LPAR1: variants seen among roughly 807,000 people sequenced by gnomAD.
The protein encoded by LPAR1 is LPA receptor 1.
In LPAR1, 5 loss-of-function variants were observed where a neutral mutation model predicts 23.8. The ratio of observed to expected loss-of-function variants is 0.21; its 90% CI spans 0.11 to 0.44. LPAR1 has a LOEUF of 0.44. Among genes scored for constraint, LPAR1 ranks in the 20% least tolerant of loss-of-function variants. The probability of loss-of-function intolerance (pLI) is 0.99; values close to 1 mark genes in which losing one functional copy is unlikely to be tolerated. For missense variants in LPAR1, 311 were observed against 482.8 expected (o/e 0.64, Z 3.33); for synonymous variants, 160 against 164.7 (o/e 0.97, Z 0.22).
chr9:111,014,913 G>C (rs1417298764), intron 2 of LPAR1, among the ~76,000 whole-genome samples: 2 of 151,752 alleles, frequency 1.3e-5, no homozygotes, highest in Non-Finnish European at 2.9e-5. Flanking sequence ...CTAACTCCCA[G>C]TACCTCAGAA....
intron 2 of LPAR1, among the ~76,000 whole-genome samples, chr9:111,024,499 T>C (rs1564370733): frequency 6.8e-6 from 1 of 147,364 alleles, no homozygotes; most frequent in Non-Finnish European, 1.5e-5. Flanking sequence ...TATATTTATA[T>C]ATACATAATT....
chr9:111,028,607 T>G (rs2141420404), intron 2 of LPAR1, among the ~76,000 whole-genome samples: 1 of 138,060 alleles, frequency 7.2e-6, no homozygotes, highest in African/African-American at 2.7e-5. Flanking sequence ...AAATTCTTAA[T>G]TAGAAAAAGA....
intron 5 of LPAR1, among the ~76,000 whole-genome samples, chr9:110,903,606 A>G (rs952406401): frequency 1.3e-5 from 2 of 152,160 alleles, no homozygotes; most frequent in Non-Finnish European, 2.9e-5. Flanking sequence ...TATGAACAAG[A>G]AGAAAATAGA....
At chr9:110,884,950 C>T (rs1028043908) in intron 5 of LPAR1, among the ~76,000 whole-genome samples, 2 of 151,996 alleles carry the variant, frequency 1.3e-5, no homozygotes, top group Non-Finnish European at 2.9e-5. Context: ...TGGGTGATAT[C>T]GTGGACTTAT....
intron 5 of LPAR1, among the ~76,000 whole-genome samples, chr9:110,913,599 A>G (rs541909966): frequency 2.6e-5 from 4 of 152,186 alleles, no homozygotes; most frequent in African/African-American, 9.7e-5. Context: ...TTACAAAACT[A>G]TGTAATAATC....
At chr9:110,957,655 C>A (rs1382193233) in intron 4 of LPAR1, among the ~76,000 whole-genome samples, 1 of 152,084 alleles carries the variant, frequency 6.6e-6, no homozygotes, top group Non-Finnish European at 1.5e-5. Context: ...AAGCTGAAAG[C>A]CTTTCTTCTA....
At chr9:110,945,720 G>A (rs2418121) in intron 4 of LPAR1, among the ~76,000 whole-genome samples, 145,705 of 152,240 alleles carry the variant, frequency 0.96, 69,768 homozygotes, top group African/African-American at 0.98. Flanking sequence ...TTCTTTCCAG[G>A]AGCTCTAGGG....
intron 4 of LPAR1, among the ~76,000 whole-genome samples, chr9:110,951,869 A>G (rs2095580679): frequency 6.6e-6 from 1 of 152,244 alleles, no homozygotes; most frequent in Admixed American, 6.5e-5. Context: ...CAACTGGTGA[A>G]GGAATAAATC....
chr9:110,925,289 TTGTC>T (rs2093928535), intron 5 of LPAR1, among the ~76,000 whole-genome samples: 1 of 151,094 alleles, frequency 6.6e-6, no homozygotes, highest in African/African-American at 2.4e-5. Context: ...TATATAAAGA[TTGTC>T]TGGCCTCTTG....
chr9:111,014,682 G>A (rs796374907), intron 2 of LPAR1, among the ~76,000 whole-genome samples: 3 of 152,082 alleles, frequency 2.0e-5, no homozygotes, highest in African/African-American at 7.2e-5. Flanking sequence ...CCAAGGTTGG[G>A]TATTACTGGT....
At chr9:110,998,129 C>T (rs987719348) in intron 2 of LPAR1, among the ~76,000 whole-genome samples, 1 of 152,134 alleles carries the variant, frequency 6.6e-6, no homozygotes, top group African/African-American at 2.4e-5. Context: ...CTCATGGGGC[C>T]ACACTTTAAG....
chr9:111,013,582 G>A (rs766082935), intron 2 of LPAR1, among the ~76,000 whole-genome samples: 2 of 152,130 alleles, frequency 1.3e-5, no homozygotes, highest in Non-Finnish European at 2.9e-5. Context: ...GGCATTTAAA[G>A]AGGCTATAAC....
chr9:110,889,177 A>C (rs6477791), intron 5 of LPAR1, among the ~76,000 whole-genome samples: 40,937 of 151,936 alleles, frequency 0.27, 6,900 homozygotes, highest in Non-Finnish European at 0.38. Context: ...CTGGCTAACA[A>C]GGTGAAACCC....
intron 5 of LPAR1, among the ~76,000 whole-genome samples, chr9:110,928,567 C>T (rs1038019190): frequency 2.0e-5 from 3 of 152,182 alleles, no homozygotes; most frequent in Admixed American, 6.5e-5. Flanking sequence ...AAAGCCAGTG[C>T]TCTAATCTCT....
rs946270582 is a variant in LPAR1 at position 111,008,997 on chromosome 9, A to G, written c.-182+27125T>C. Among the ~76,000 whole-genome samples the G allele has an allele frequency of 2.0e-5, 3 of 152,188 alleles. No individual in the cohort carries two copies. In the East Asian group the frequency reaches 5.8e-4, roughly 29 times the overall value. ...CATACAGAAACAAGTCAACATTTAC[A>G]AGAGTCATCAAAAAGAACAAACAGT... On this transcript the variant is annotated intron_variant, in intron 2 of 5. Coordinates refer to ENST00000683809, the MANE Select transcript of LPAR1 (RefSeq NM_001351411.2).
intron 4 of LPAR1, among the ~76,000 whole-genome samples, chr9:110,958,783 A>G (rs1289072923): frequency 1.3e-5 from 2 of 152,086 alleles, no homozygotes; most frequent in South Asian, 2.1e-4. Context: ...ATGGGATAAA[A>G]TATTTTCTAA....
intron 4 of LPAR1, among the ~76,000 whole-genome samples, chr9:110,968,427 CCTCT>C (rs766545986): frequency 8.0e-5 from 12 of 149,550 alleles, no homozygotes; most frequent in Non-Finnish European, 1.3e-4. Flanking sequence ...TGCTTTGCTC[CCTCT>C]CTCTCTCTCT....
rs555966223 is a variant in LPAR1, at chr9:111,035,461, C to T, written c.-182+661G>A. 1.3e-4 allele frequency among the ~76,000 whole-genome samples: 20 copies of T among 152,182 alleles called. No individual in the cohort carries two copies. In the South Asian group the frequency reaches 4.2e-3, roughly 32 times the overall value. On this transcript the variant is annotated intron_variant, in intron 2 of 5. Transcript: ENST00000683809. ...TTGGTCTCAAACTCCTGGCTTCAAG[C>T]GATCGTCCTGCCTCAGCCTCCCAAA...
At chr9:111,011,723 T>C (rs1240114329) in intron 2 of LPAR1, among the ~76,000 whole-genome samples, 1 of 152,170 alleles carries the variant, frequency 6.6e-6, no homozygotes, top group Non-Finnish European at 1.5e-5. Flanking sequence ...TGCTGGCTAG[T>C]TCTGACCAGT....
Sources: gnomAD v4.1 joint callset for allele counts (sites outside exome capture counted in the v4.1 genomes callset) on GRCh38, gnomAD v4.1.1 for gene constraint, MANE v1.5 for transcripts, NCBI Gene and HGNC (gene_info 2026-07-23, HGNC 2026-07-21) for gene names.